TRPS1: variants seen among roughly 807,000 people sequenced by gnomAD.
TRPS1 encodes zinc finger transcription factor Trps1.
Under a neutral mutation model 101.2 loss-of-function variants are expected in TRPS1, and 6 were observed. The observed-to-expected ratio is 0.06, with a 90% CI of 0.03 to 0.12. The LOEUF is 0.12. Among genes scored for constraint, TRPS1 ranks in the 10% least tolerant of loss-of-function variants. The pLI, the probability that TRPS1 is intolerant of heterozygous loss-of-function variation, is 1.00. For missense variants in TRPS1, 1,363 were observed against 1,567.0 expected (o/e 0.87, Z 2.20); for synonymous variants, 578 against 589.8 (o/e 0.98, Z 0.29).
At position 115,604,812 on chromosome 8, in the gene TRPS1, T is replaced by A. The variant is rs781205688; in HGVS notation, c.1157A>T (p.Lys386Ile). 2 of 1,613,916 alleles carry A rather than the reference T, an allele frequency of 1.2e-6. No individual in the cohort carries two copies. Among genetic ancestry groups the A allele is most frequent in the African/African-American group, 1.3e-5 (1 of 74,902 alleles). Residue 386 changes from lysine to isoleucine, a missense_variant, in exon 4 of 7, where the codon AAA becomes ATA. This residue lies in a region of TRPS1 where 1,020 missense variants were observed against 1,073.0 expected (regional missense o/e 0.95). Transcript: ENST00000395715. The surrounding 1 kb of genome is among the most constrained non-coding windows in gnomAD (Gnocchi z 4.1). Reference protein sequence around the residue: ...KASLPSSEVAKPSEKNSNKSI... With the variant: ...KASLPSSEVAIPSEKNSNKSI... ...CTTGTTAGAGTTTTTCTCTGAAGGT[T>A]TTGCAACCTCAGAGGAGGGGAGAGA...
At chr8:115,421,335 T>A (rs1813049225) in intron 5 of TRPS1, among the ~76,000 whole-genome samples, 1 of 150,996 alleles carries the variant, frequency 6.6e-6, no homozygotes, top group Non-Finnish European at 1.5e-5. Flanking sequence ...GTGCCAGGGA[T>A]GTAGTAAGTG....
chr8:115,615,109 T>C (rs1221608920), intron 3 of TRPS1, among the ~76,000 whole-genome samples: 1 of 152,204 alleles, frequency 6.6e-6, no homozygotes, highest in African/African-American at 2.4e-5. Flanking sequence ...GTTAATCATG[T>C]GATTCTTCTA....
intron 1 of TRPS1, among the ~76,000 whole-genome samples, chr8:115,660,925 G>A (rs73380938): frequency 0.024 from 3,676 of 151,928 alleles, 143 homozygotes; most frequent in African/African-American, 0.083. Context: ...GTGACGCACA[G>A]AATCCATCAC....
At chr8:115,526,139 T>C (rs1487207116) in intron 5 of TRPS1, among the ~76,000 whole-genome samples, 1 of 152,130 alleles carries the variant, frequency 6.6e-6, no homozygotes, top group Admixed American at 6.6e-5. Context: ...TGAAACCCCA[T>C]TTCTACTAAA....
chr8:115,505,808 A>C (rs554577679), intron 5 of TRPS1, among the ~76,000 whole-genome samples: 2 of 152,222 alleles, frequency 1.3e-5, no homozygotes, highest in South Asian at 4.1e-4. Context: ...AAAGACTGTG[A>C]AAACGTAGGA....
chr8:115,520,026 T>A (rs906238529), intron 5 of TRPS1, among the ~76,000 whole-genome samples: 2 of 151,694 alleles, frequency 1.3e-5, no homozygotes, highest in Non-Finnish European at 3.0e-5. Context: ...GAAATAAGCA[T>A]CTAGATTCTA....
intron 1 of TRPS1, among the ~76,000 whole-genome samples, chr8:115,630,251 A>T (rs2130559488): frequency 6.6e-6 from 1 of 152,098 alleles, no homozygotes; most frequent in African/African-American, 2.4e-5. Context: ...ATACAGGAGT[A>T]AGACTACAGA....
chr8:115,556,074 G>C (rs552996873), intron 5 of TRPS1, among the ~76,000 whole-genome samples: 1 of 152,132 alleles, frequency 6.6e-6, no homozygotes, highest in South Asian at 2.1e-4. Context: ...AAGACACTAA[G>C]TGTGATTTCA....
intron 1 of TRPS1, among the ~76,000 whole-genome samples, chr8:115,655,993 G>A (rs375889070): frequency 4.1e-4 from 63 of 152,212 alleles, no homozygotes; most frequent in Admixed American, 9.8e-4. Flanking sequence ...CATTTCTACC[G>A]GTGGAGACAC....
At chr8:115,576,308 TAG>T (rs1298066887) in intron 5 of TRPS1, among the ~76,000 whole-genome samples, 11 of 146,612 alleles carry the variant, frequency 7.5e-5, no homozygotes, top group African/African-American at 1.3e-4. Context: ...GATATAGATA[TAG>T]ATATAGATCT....
intron 2 of TRPS1, among the ~76,000 whole-genome samples, chr8:115,623,268 G>A (rs1280905699): frequency 1.3e-5 from 2 of 151,922 alleles, no homozygotes; most frequent in African/African-American, 2.4e-5. Flanking sequence ...TTTATTTTGT[G>A]TTGTGGGGGC....
intron 2 of TRPS1, among the ~76,000 whole-genome samples, chr8:115,621,110 T>A (rs529451136): frequency 1.3e-5 from 2 of 152,160 alleles, no homozygotes; most frequent in South Asian, 4.2e-4. Context: ...GTAGAATGAG[T>A]CAGAACTTTA....
chr8:115,430,430 TACTGCC>T (rs1289866417), intron 5 of TRPS1, among the ~76,000 whole-genome samples: 1 of 149,538 alleles, frequency 6.7e-6, no homozygotes, highest in Non-Finnish European at 1.5e-5. Flanking sequence ...GAAGAGATGC[TACTGCC>T]ACTTTGGAGT....
At position 115,587,061 on chromosome 8, in the gene TRPS1, G is replaced by C. The variant is rs779525589; in HGVS notation, c.2640C>G (p.Pro880=). The C allele has an allele frequency of 8.1e-6, 13 of 1,614,156 alleles. No homozygotes were observed. The East Asian group carries it at 1.3e-4, about 17-fold the overall frequency. ...TTTCTCCCGATGCAGGATACTGCTG[G>C]GGGAGGGCCCCAGACTTCTCTCCGC... The part of the protein sequence containing the change: ...PAGGEKSGAL[P]QQYPASGENK... Residue 880 remains proline (P), a synonymous_variant, in exon 5 of 7, where the codon CCC becomes CCG. Coordinates refer to ENST00000395715, the MANE Select transcript of TRPS1 (RefSeq NM_014112.5).
rs188593282 is a variant in TRPS1, at chr8:115,557,499, C to A, written c.2700+29502G>T. ...AGTAATTGAATCATGGGAGCAGTTACCCCTTGTTGTCCTTGTGATAGTGAC... is the reference window on the plus strand; with the variant it reads ...AGTAATTGAATCATGGGAGCAGTTAACCCTTGTTGTCCTTGTGATAGTGAC... On this transcript the variant is annotated intron_variant, in intron 5 of 6. Transcript: ENST00000395715. Among the ~76,000 whole-genome samples the A allele has an allele frequency of 1.9e-4, 29 of 152,200 alleles. No homozygotes were observed. The East Asian group carries it at 4.8e-3, about 25-fold the overall frequency.
intron 5 of TRPS1, among the ~76,000 whole-genome samples, chr8:115,466,052 C>G (rs2129993686): frequency 6.6e-6 from 1 of 152,186 alleles, no homozygotes; most frequent in South Asian, 2.1e-4. Flanking sequence ...CCAGAAACCT[C>G]CAACTGCTAA....
intron 5 of TRPS1, among the ~76,000 whole-genome samples, chr8:115,457,401 T>C (rs1814057476): frequency 6.6e-6 from 1 of 152,072 alleles, no homozygotes; most frequent in Non-Finnish European, 1.5e-5. Context: ...ATGAGGTAGT[T>C]AGAGTAGTCA....
intron 5 of TRPS1, among the ~76,000 whole-genome samples, chr8:115,492,560 G>C (rs573023708): frequency 6.6e-6 from 1 of 151,894 alleles, no homozygotes; most frequent in African/African-American, 2.4e-5. Flanking sequence ...GGGTGCTATT[G>C]TCATTCTAGT....
intron 5 of TRPS1, among the ~76,000 whole-genome samples, chr8:115,530,985 C>T (rs571060192): frequency 5.3e-5 from 8 of 151,832 alleles, no homozygotes; most frequent in Non-Finnish European, 7.4e-5. Context: ...ATGTAAATGA[C>T]GAGTTAATGG....
Sources: gnomAD v4.1 joint callset for allele counts (sites outside exome capture counted in the v4.1 genomes callset) on GRCh38, gnomAD v4.1.1 for gene constraint, gnomAD v4.1.1 regional missense constraint, Gnocchi (gnomAD v3.1) non-coding constraint, MANE v1.5 for transcripts, NCBI Gene and HGNC (gene_info 2026-07-23, HGNC 2026-07-21) for gene names.